Variants in SSBP3 observed in about 807,000 individuals in gnomAD.
SSBP3 encodes the protein single stranded DNA binding protein 3.
SSBP3 carries 5 observed loss-of-function variants against 69.6 expected under a neutral mutation model. The observed-to-expected ratio is 0.07, with a 90% CI of 0.04 to 0.15. The LOEUF is 0.15. Among genes scored for constraint, SSBP3 ranks in the 10% least tolerant of loss-of-function variants. The pLI, the probability that SSBP3 is intolerant of heterozygous loss-of-function variation, is 1.00. For missense variants in SSBP3, 312 were observed against 534.0 expected (o/e 0.58, Z 4.10); for synonymous variants, 196 against 193.4 (o/e 1.01, Z -0.11).
chr1:54,321,239 C>T lies in SSBP3; in HGVS notation c.277-39712G>A, dbSNP rs143962317. Among the ~76,000 whole-genome samples, 428 of 152,360 alleles carry T rather than the reference C, an allele frequency of 2.8e-3. 4 individuals are homozygous for T. Among genetic ancestry groups the T allele is most frequent in the African/African-American group, 9.9e-3 (413 of 41,586 alleles). ...GGAACTCGGGCTTCACCCTGAAGAA[C>T]AGGAGAATGCCCTCAAGACTGCAGG... On this transcript the variant is annotated intron_variant, in intron 4 of 17. Coordinates refer to ENST00000610401, the Ensembl canonical transcript of SSBP3.
chr1:54,235,380 C>T (rs1644470871), intron 14 of SSBP3, among the ~76,000 whole-genome samples: 1 of 145,998 alleles, frequency 6.8e-6, no homozygotes, highest in Non-Finnish European at 1.5e-5. Context: ...CTCCCAGGTT[C>T]AAGCGATTCT....
At chr1:54,231,110 G>A (rs920295302) in intron 14 of SSBP3, among the ~76,000 whole-genome samples, 1 of 152,224 alleles carries the variant, frequency 6.6e-6, no homozygotes, top group African/African-American at 2.4e-5. Context: ...ATCTTTCGAG[G>A]AAACGTCAAA....
intron 9 of SSBP3, among the ~76,000 whole-genome samples, chr1:54,247,206 G>T (rs1406505302): frequency 6.6e-6 from 1 of 152,250 alleles, no homozygotes; most frequent in East Asian, 1.9e-4. Flanking sequence ...GGCTTTCTAG[G>T]TGCCCACTGT....
intron 4 of SSBP3, among the ~76,000 whole-genome samples, chr1:54,283,612 C>A (rs1366215854): frequency 6.6e-6 from 1 of 152,210 alleles, no homozygotes; most frequent in Non-Finnish European, 1.5e-5. Flanking sequence ...ACAGGGAATA[C>A]AGTGGGTGTT....
intron 4 of SSBP3, among the ~76,000 whole-genome samples, chr1:54,387,639 G>C (rs1358824682): frequency 6.6e-6 from 1 of 152,120 alleles, no homozygotes; most frequent in Non-Finnish European, 1.5e-5. Context: ...GATACAATCA[G>C]GTTGTGCCAA....
At chr1:54,312,570 T>A (rs543097475) in intron 4 of SSBP3, among the ~76,000 whole-genome samples, 1 of 151,524 alleles carries the variant, frequency 6.6e-6, no homozygotes, top group South Asian at 2.1e-4. Flanking sequence ...AAAAAAAAAA[T>A]TTGCAGGATT....
At chr1:54,331,130 G>A (rs766609285) in intron 4 of SSBP3, among the ~76,000 whole-genome samples, 1 of 152,102 alleles carries the variant, frequency 6.6e-6, no homozygotes. Context: ...CATATGCCCC[G>A]ATATAATAAC....
chr1:54,353,487 A>G (rs1364662784), intron 4 of SSBP3, among the ~76,000 whole-genome samples: 1 of 152,006 alleles, frequency 6.6e-6, no homozygotes, highest in Non-Finnish European at 1.5e-5. Context: ...AGATGTATCC[A>G]CTCTGAAAAA....
At chr1:54,286,162 T>A (rs1645485515) in intron 4 of SSBP3, among the ~76,000 whole-genome samples, 1 of 152,204 alleles carries the variant, frequency 6.6e-6, no homozygotes, top group African/African-American at 2.4e-5. Flanking sequence ...AGCCCACAGA[T>A]AACAGTGGGT....
chr1:54,407,231 C>T (rs1211244306), upstream of SSBP3, among the ~76,000 whole-genome samples: 1 of 152,124 alleles, frequency 6.6e-6, no homozygotes, highest in Non-Finnish European at 1.5e-5. Flanking sequence ...CAAGGTTTGC[C>T]AGTCTTGGCA....
intron 14 of SSBP3, among the ~76,000 whole-genome samples, chr1:54,233,752 G>A (rs1200408569): frequency 1.8e-4 from 27 of 151,914 alleles, no homozygotes; most frequent in Non-Finnish European, 3.2e-4. Flanking sequence ...TGCCCCGTCC[G>A]GGAGGGAGGT....
intron 4 of SSBP3, among the ~76,000 whole-genome samples, chr1:54,322,937 G>C (rs1230099159): frequency 1.3e-5 from 2 of 152,218 alleles, no homozygotes; most frequent in Admixed American, 1.3e-4. Flanking sequence ...AGCCGTAATT[G>C]TCCCAGGACA....
At chr1:54,310,101 G>A (rs945271241) in intron 4 of SSBP3, among the ~76,000 whole-genome samples, 1 of 152,144 alleles carries the variant, frequency 6.6e-6, no homozygotes, top group East Asian at 1.9e-4. Flanking sequence ...AACTCCAAGG[G>A]CCCCAGCACC....
At position 54,258,119 on chromosome 1, in the gene SSBP3, C is replaced by T. The variant is rs750379605; in HGVS notation, c.397G>A (p.Ala133Thr). ...CTAGGATTGTGAGGTGGAGGCTGTG[C>T]GTGCGGCGAGGGCTGTGACCCCGGA... Residue 133 changes from alanine to threonine, a missense_variant, in exon 6 of 18, where the codon GCA becomes ACA. Coordinates refer to ENST00000610401, the Ensembl canonical transcript of SSBP3. This position sits in a 1 kb window ranked among gnomAD's most constrained non-coding sequence, Gnocchi z 4.5. The T allele has an allele frequency of 8.1e-6, 13 of 1,598,200 alleles. No homozygotes were observed. Among genetic ancestry groups the T allele is most frequent in the Non-Finnish European group, 1.1e-5 (13 of 1,173,648 alleles).
In SSBP3 at chr1:54,273,855, T is replaced by A. The variant is rs904057969; in HGVS notation, c.366+7583A>T. 1.1e-4 allele frequency among the ~76,000 whole-genome samples: 17 copies of A among 152,210 alleles called. 1 individual carries two copies. Among genetic ancestry groups the A allele is most frequent in the Admixed American group, 1.1e-3 (17 of 15,288 alleles). The stretch of plus-strand genomic sequence containing the variant: ...CTGCCGCTCCCAGAGCCAAGTCAGT[T>A]TGGAACAGGTGGGGCCTAGGGGTGG... On this transcript the variant is annotated intron_variant, in intron 5 of 17. Transcript: ENST00000610401.
At chr1:54,397,202 C>CT (rs970857672) in intron 4 of SSBP3, among the ~76,000 whole-genome samples, 20 of 152,374 alleles carry the variant, frequency 1.3e-4, no homozygotes, top group African/African-American at 4.6e-4. Flanking sequence ...GGGCAGCACA[C>CT]TCCCCCAGCT....
intron 4 of SSBP3, among the ~76,000 whole-genome samples, chr1:54,304,009 TGATGG>T (rs1307966122): frequency 1.3e-5 from 2 of 152,128 alleles, no homozygotes; most frequent in Non-Finnish European, 2.9e-5. Flanking sequence ...GCAGAACGAA[TGATGG>T]GTAGCACGGA....
chr1:54,248,910 C>CT (rs1644777849), intron 9 of SSBP3, among the ~76,000 whole-genome samples: 1 of 152,168 alleles, frequency 6.6e-6, no homozygotes, highest in Admixed American at 6.5e-5. Flanking sequence ...TCCAGAGTTC[C>CT]TGAGGTTGGC....
chr1:54,344,503 T>C (rs1051340886), intron 4 of SSBP3, among the ~76,000 whole-genome samples: 1 of 152,162 alleles, frequency 6.6e-6, no homozygotes, highest in Non-Finnish European at 1.5e-5. Flanking sequence ...TTCAAGACAC[T>C]TCTGTGGGTG....
Sources: allele counts gnomAD v4.1 joint callset (sites outside exome capture counted in the v4.1 genomes callset), GRCh38; gene constraint gnomAD v4.1.1; non-coding constraint Gnocchi (gnomAD v3.1); transcripts MANE v1.5; gene names NCBI Gene and HGNC (gene_info 2026-07-23, HGNC 2026-07-21).